ZNF804B: variants seen among roughly 807,000 people sequenced by gnomAD.
ZNF804B encodes the protein zinc finger protein 804B.
In ZNF804B, 80 loss-of-function variants were observed where a neutral mutation model predicts 101.4. That is an observed-to-expected ratio of 0.79 (90% CI 0.66 to 0.95). ZNF804B has a LOEUF of 0.95. ZNF804B is among the 40% of genes least tolerant of loss of function. The pLI, the probability that ZNF804B is intolerant of heterozygous loss-of-function variation, is 0.00. For missense variants in ZNF804B, 1,673 were observed against 1,561.9 expected (o/e 1.07, Z -1.20); for synonymous variants, 622 against 558.8 (o/e 1.11, Z -1.59).
intron 1 of ZNF804B, among the ~76,000 whole-genome samples, chr7:88,875,544 A>G (rs1256686988): frequency 6.6e-6 from 1 of 152,158 alleles, no homozygotes; most frequent in Non-Finnish European, 1.5e-5. Flanking sequence ...CTACGCAAAT[A>G]AACTAGAAAA....
chr7:89,167,077 T>C (rs1419410232), intron 1 of ZNF804B, among the ~76,000 whole-genome samples: 1 of 152,140 alleles, frequency 6.6e-6, no homozygotes, highest in Non-Finnish European at 1.5e-5. Context: ...ATTTATGACA[T>C]ACCTTTTTCC....
intron 1 of ZNF804B, among the ~76,000 whole-genome samples, chr7:89,178,556 T>C (rs1225961952): frequency 6.6e-6 from 1 of 152,162 alleles, no homozygotes; most frequent in East Asian, 1.9e-4. Flanking sequence ...ATAAAAACTC[T>C]ACACTTTAAC....
chr7:89,244,002 G>A (rs1464629609), intron 2 of ZNF804B, among the ~76,000 whole-genome samples: 3 of 151,722 alleles, frequency 2.0e-5, no homozygotes, highest in African/African-American at 7.3e-5. Context: ...TAACATGAGA[G>A]GAAAAAGGAT....
At chr7:89,132,239 A>G (rs530637375) in intron 1 of ZNF804B, among the ~76,000 whole-genome samples, 43 of 151,962 alleles carry the variant, frequency 2.8e-4, no homozygotes, top group Non-Finnish European at 4.7e-4. Flanking sequence ...GCTACATTAT[A>G]GAACACAAGA....
At chr7:88,920,493 T>G (rs995504459) in intron 1 of ZNF804B, among the ~76,000 whole-genome samples, 1 of 152,008 alleles carries the variant, frequency 6.6e-6, no homozygotes, top group East Asian at 1.9e-4. Context: ...GAAAGCAGCT[T>G]ATTGAACAAT....
chr7:88,939,053 G>A (rs1196162976), intron 1 of ZNF804B, among the ~76,000 whole-genome samples: 1 of 151,998 alleles, frequency 6.6e-6, no homozygotes, highest in Non-Finnish European at 1.5e-5. Flanking sequence ...CAATAGTAAA[G>A]TAGAAAGATA....
intron 1 of ZNF804B, among the ~76,000 whole-genome samples, chr7:88,910,759 A>G (rs1164211645): frequency 6.6e-6 from 1 of 151,938 alleles, no homozygotes; most frequent in Non-Finnish European, 1.5e-5. Context: ...ACTAGATCCA[A>G]TGCAAGCGTG....
chr7:89,004,757 GT>G (rs1310790851), intron 1 of ZNF804B, among the ~76,000 whole-genome samples: 1 of 151,710 alleles, frequency 6.6e-6, no homozygotes, highest in Non-Finnish European at 1.5e-5. Flanking sequence ...AGATACTTAG[GT>G]ATGGAATATC....
At chr7:89,162,718 T>A (rs1183114517) in intron 1 of ZNF804B, among the ~76,000 whole-genome samples, 1 of 151,152 alleles carries the variant, frequency 6.6e-6, no homozygotes, top group Non-Finnish European at 1.5e-5. Flanking sequence ...GTTAGTTACA[T>A]ATGTATACAT....
intron 1 of ZNF804B, among the ~76,000 whole-genome samples, chr7:88,822,172 A>C (rs1790992062): frequency 6.6e-6 from 1 of 152,166 alleles, no homozygotes; most frequent in South Asian, 2.1e-4. Flanking sequence ...CAATGCAACT[A>C]TATAGGAAAG....
At chr7:89,186,674 A>G (rs1391509763) in intron 1 of ZNF804B, among the ~76,000 whole-genome samples, 4 of 152,040 alleles carry the variant, frequency 2.6e-5, no homozygotes, top group Non-Finnish European at 4.4e-5. Flanking sequence ...GTGTCTGAGG[A>G]ATAGTTCCTG....
intron 1 of ZNF804B, among the ~76,000 whole-genome samples, chr7:89,197,042 T>C (rs1221753334): frequency 6.6e-6 from 1 of 151,962 alleles, no homozygotes; most frequent in Non-Finnish European, 1.5e-5. Context: ...AGTTCAACCA[T>C]TATGGGAGAC....
intron 1 of ZNF804B, among the ~76,000 whole-genome samples, chr7:88,768,584 G>A (rs1394269346): frequency 2.0e-5 from 3 of 152,160 alleles, no homozygotes; most frequent in Non-Finnish European, 4.4e-5. Context: ...TCGGCATGGT[G>A]GCACGAGCCT....
intron 2 of ZNF804B, among the ~76,000 whole-genome samples, chr7:89,230,449 C>G (rs1289548039): frequency 6.6e-6 from 1 of 151,974 alleles, no homozygotes; most frequent in Non-Finnish European, 1.5e-5. Flanking sequence ...AAGAAGAAAA[C>G]AGATTATCTG....
intron 1 of ZNF804B, among the ~76,000 whole-genome samples, chr7:88,889,510 T>A (rs1792184769): frequency 6.6e-6 from 1 of 152,214 alleles, no homozygotes. Context: ...ATTGTGGTTT[T>A]AATTTACATT....
chr7:88,771,796 G>C (rs753642682), intron 1 of ZNF804B, among the ~76,000 whole-genome samples: 4 of 152,080 alleles, frequency 2.6e-5, no homozygotes, highest in Non-Finnish European at 5.9e-5. Context: ...TGTAGATTTA[G>C]AACTGTTTTG....
intron 2 of ZNF804B, among the ~76,000 whole-genome samples, chr7:89,312,091 G>T (rs1300599776): frequency 1.4e-4 from 22 of 152,094 alleles, no homozygotes. Flanking sequence ...CTTGCCTGGG[G>T]CACATACCTT....
rs192095549 is a variant in ZNF804B, at chr7:89,260,984, A to G, written c.249+42689A>G. ...AATAAAAATATGAGAAAACCATGAT[A>G]GTTTACCTTTTACTGCTATATGCAA... is the stretch of plus-strand genomic sequence containing the variant. On this transcript the variant is annotated intron_variant, in intron 2 of 3. Transcript: ENST00000333190. Among the ~76,000 whole-genome samples, 787 of 151,988 alleles carry G rather than the reference A, an allele frequency of 5.2e-3. 4 individuals carry two copies. The highest frequency in any genetic ancestry group is 8.0e-3 in the Non-Finnish European group (543 of 68,030).
chr7:88,920,860 G>A (rs1792709295), intron 1 of ZNF804B, among the ~76,000 whole-genome samples: 2 of 151,842 alleles, frequency 1.3e-5, no homozygotes, highest in Admixed American at 1.3e-4. Context: ...ATCCCTATCG[G>A]CAGAGACTTT....
Sources: gnomAD v4.1 joint callset for allele counts (sites outside exome capture counted in the v4.1 genomes callset) on GRCh38, gnomAD v4.1.1 for gene constraint, MANE v1.5 for transcripts, NCBI Gene and HGNC (gene_info 2026-07-23, HGNC 2026-07-21) for gene names.